The following PPP1R12A variants were observed in gnomAD, a reference collection of about 807,000 sequenced individuals.
The protein encoded by PPP1R12A is myosin binding subunit.
PPP1R12A carries 19 observed loss-of-function variants against 139.6 expected under a neutral mutation model. That is an observed-to-expected ratio of 0.14 (90% CI 0.09 to 0.20). The LOEUF (loss-of-function observed/expected upper bound fraction) is 0.20, where lower values mean the gene tolerates loss of function less well. Ranked by LOEUF, PPP1R12A falls within the 10% of genes least tolerant of loss-of-function variation. The pLI is 1.00. For missense variants in PPP1R12A, 925 were observed against 1,211.5 expected (o/e 0.76, Z 3.51); for synonymous variants, 427 against 420.6 (o/e 1.02, Z -0.19).
At chr12:79,930,645 G>A (rs761736884) in intron 1 of PPP1R12A, among the ~76,000 whole-genome samples, 24 of 152,082 alleles carry the variant, frequency 1.6e-4, no homozygotes, top group Non-Finnish European at 3.2e-4. Context: ...GGTGGCACAC[G>A]TCTGTAATCC....
Position 79,851,028 on chromosome 12 carries a change from A to G in PPP1R12A, c.369-5608T>C, listed in dbSNP as rs115582851. ...TTCATAGCAGTGCAAGATTGGACTA[A>G]TACATTATTGTAGAAAAAGTAGTAT... is the stretch of plus-strand genomic sequence containing the variant. On this transcript the variant is annotated intron_variant, in intron 2 of 24. Transcript: ENST00000450142. 5.0e-3 allele frequency among the ~76,000 whole-genome samples: 768 copies of G among 152,324 alleles called. 4 individuals are homozygous for G. The highest frequency in any genetic ancestry group is 0.018 in the African/African-American group (728 of 41,564).
chr12:79,806,153 A>G lies in PPP1R12A; in HGVS notation c.1823+13T>C. ...CACAGTAGACCTGAGCACAAAATGT[A>G]TCTGTGACTTACCTGCTTTGTGTGC... is the stretch of plus-strand genomic sequence containing the variant. On this transcript the variant is annotated intron_variant, in intron 13 of 24. Transcript: ENST00000450142. The G allele has an allele frequency of 6.2e-7, 1 of 1,613,126 alleles. No individual in the cohort carries two copies. Among genetic ancestry groups the G allele is most frequent in the East Asian group, 2.2e-5 (1 of 44,878 alleles).
intron 1 of PPP1R12A, among the ~76,000 whole-genome samples, chr12:79,878,666 T>TC (rs1482249470): frequency 6.6e-6 from 1 of 152,048 alleles, no homozygotes; most frequent in Non-Finnish European, 1.5e-5. Context: ...AAACACCTCC[T>TC]CCTTCACATG....
intron 1 of PPP1R12A, among the ~76,000 whole-genome samples, chr12:79,928,206 G>C (rs1887990460): frequency 6.6e-6 from 1 of 152,322 alleles, no homozygotes; most frequent in East Asian, 1.9e-4. Flanking sequence ...TATAGAAAAT[G>C]CTCAGTCACA....
chr12:79,866,471 T>C (rs551563306), intron 2 of PPP1R12A, among the ~76,000 whole-genome samples: 2 of 152,160 alleles, frequency 1.3e-5, no homozygotes, highest in Non-Finnish European at 2.9e-5. Context: ...AATTGACAAA[T>C]GGGATCTAAT....
At chr12:79,800,943 C>G (rs1328998878) in intron 14 of PPP1R12A, among the ~76,000 whole-genome samples, 1 of 151,750 alleles carries the variant, frequency 6.6e-6, no homozygotes, top group Admixed American at 6.6e-5. Flanking sequence ...CCCTGTTAGC[C>G]AGGATGGTCT....
At chr12:79,914,542 T>C (rs1267668219) in intron 1 of PPP1R12A, among the ~76,000 whole-genome samples, 4 of 152,138 alleles carry the variant, frequency 2.6e-5, no homozygotes, top group Non-Finnish European at 5.9e-5. Context: ...TGTACATTTA[T>C]ACAATCAATA....
intron 2 of PPP1R12A, among the ~76,000 whole-genome samples, chr12:79,865,269 C>G (rs1881836323): frequency 6.6e-6 from 1 of 152,192 alleles, no homozygotes; most frequent in Admixed American, 6.5e-5. Context: ...AATTCAACAG[C>G]CTTTCATGCT....
rs550006494 is a variant in PPP1R12A, at chr12:79,776,714, T to C, written c.3007-699A>G. 5.9e-5 allele frequency among the ~76,000 whole-genome samples: 9 copies of C among 152,278 alleles called. No individual in the cohort carries two copies. In the East Asian group the frequency reaches 1.7e-3, roughly 29 times the overall value. On this transcript the variant is annotated intron_variant, in intron 24 of 24. Transcript: ENST00000450142. ...CTTCAAACAACACATCTCAATTTTC[T>C]GTTGTTTTACAGACAAATTGATGAA... is the stretch of plus-strand genomic sequence containing the variant.
At chr12:79,791,543 GT>G (rs1037494899) in intron 19 of PPP1R12A, among the ~76,000 whole-genome samples, 3 of 152,076 alleles carry the variant, frequency 2.0e-5, no homozygotes, top group Non-Finnish European at 4.4e-5. Flanking sequence ...GCCCAGGTTG[GT>G]CTTGAACTCC....
intron 1 of PPP1R12A, among the ~76,000 whole-genome samples, chr12:79,925,261 C>CGTGT (rs146017455): frequency 1.3e-3 from 188 of 149,654 alleles, no homozygotes; most frequent in African/African-American, 4.3e-3. Context: ...CATACGTGTA[C>CGTGT]GTGTGTGTGT....
At chr12:79,853,293 T>C (rs1212778596) in intron 2 of PPP1R12A, among the ~76,000 whole-genome samples, 2 of 152,226 alleles carry the variant, frequency 1.3e-5, no homozygotes, top group African/African-American at 4.8e-5. Context: ...ATTGCACTTC[T>C]GGGTTATCAG....
At chr12:79,884,441 G>T (rs1056840281) in intron 1 of PPP1R12A, among the ~76,000 whole-genome samples, 1 of 151,978 alleles carries the variant, frequency 6.6e-6, no homozygotes, top group African/African-American at 2.4e-5. Flanking sequence ...AAGCATTGCC[G>T]CAAAATATAT....
At chr12:79,805,570 T>C in intron 14 of PPP1R12A, 22 bp downstream of exon 14, 1 of 1,608,304 alleles carries the variant, frequency 6.2e-7, no homozygotes, top group Non-Finnish European at 8.5e-7. Flanking sequence ...ATATCAGCAG[T>C]ACTGTTATGA....
chr12:79,897,343 A>C (rs1037802210), intron 1 of PPP1R12A, among the ~76,000 whole-genome samples: 1 of 152,142 alleles, frequency 6.6e-6, no homozygotes, highest in Non-Finnish European at 1.5e-5. Context: ...TGAGCTAAAT[A>C]TTGGGTACTG....
chr12:79,887,455 C>G (rs1884210431), intron 1 of PPP1R12A, among the ~76,000 whole-genome samples: 4 of 151,854 alleles, frequency 2.6e-5, no homozygotes, highest in Admixed American at 2.6e-4. Flanking sequence ...AAAAGATAAG[C>G]AAGTAAGTAG....
At chr12:79,841,534 T>C (rs1043884341) in intron 3 of PPP1R12A, among the ~76,000 whole-genome samples, 2 of 152,188 alleles carry the variant, frequency 1.3e-5, no homozygotes, top group East Asian at 3.8e-4. Flanking sequence ...AAATGAATCA[T>C]TAAAACTAAA....
At chr12:79,812,467 A>G (rs954035996) in intron 9 of PPP1R12A, among the ~76,000 whole-genome samples, 2 of 147,440 alleles carry the variant, frequency 1.4e-5, no homozygotes, top group African/African-American at 5.1e-5. Flanking sequence ...GTGTGTGTGT[A>G]CAACTTTCCT....
At chr12:79,833,386 T>C (rs1300558746) in intron 3 of PPP1R12A, among the ~76,000 whole-genome samples, 1 of 152,120 alleles carries the variant, frequency 6.6e-6, no homozygotes, top group African/African-American at 2.4e-5. Flanking sequence ...TCCTGAATGA[T>C]TTCATCTGGT....
Sources: allele counts gnomAD v4.1 joint callset (sites outside exome capture counted in the v4.1 genomes callset), GRCh38; gene constraint gnomAD v4.1.1; transcripts MANE v1.5; gene names NCBI Gene and HGNC (gene_info 2026-07-23, HGNC 2026-07-21).